MSRA: variants seen among roughly 807,000 people sequenced by gnomAD.
MSRA encodes the protein methionine sulfoxide reductase A.
MSRA carries 54 observed loss-of-function variants against 31.3 expected under a neutral mutation model. That is an observed-to-expected ratio of 1.73 (90% CI 1.39 to 2.17). The LOEUF is 2.17. MSRA is among the 30% of genes most tolerant of loss of function. MSRA has a pLI of 0.00. For synonymous variants in MSRA, 169 were observed against 116.5 expected, an observed-to-expected ratio of 1.45 and a Z score of -2.90; for missense variants, 507 against 300.9, an observed-to-expected ratio of 1.69 and a Z score of -5.07.
intron 3 of MSRA, among the ~76,000 whole-genome samples, chr8:10,266,770 G>A (rs541783999): frequency 2.0e-5 from 3 of 152,158 alleles, no homozygotes; most frequent in African/African-American, 4.8e-5. Flanking sequence ...CATTTGACAC[G>A]TGTGTAATAT....
chr8:10,136,750 G>C (rs1476735863), intron 1 of MSRA, among the ~76,000 whole-genome samples: 1 of 152,142 alleles, frequency 6.6e-6, no homozygotes, highest in East Asian at 1.9e-4. Context: ...TTCAATGTCG[G>C]GTCCCCTCCT....
intron 1 of MSRA, among the ~76,000 whole-genome samples, chr8:10,135,799 G>A (rs541097122): frequency 1.3e-5 from 2 of 152,222 alleles, no homozygotes; most frequent in Non-Finnish European, 2.9e-5. Flanking sequence ...GGCAGACGCA[G>A]TTCTGGAATT....
chr8:10,269,654 G>T (rs1464531675), intron 3 of MSRA, among the ~76,000 whole-genome samples: 3 of 151,862 alleles, frequency 2.0e-5, no homozygotes, highest in African/African-American at 7.3e-5. Flanking sequence ...TTGTTTGTTT[G>T]TTTTTTTGTT....
intron 5 of MSRA, among the ~76,000 whole-genome samples, chr8:10,325,774 A>G (rs1043529233): frequency 6.6e-6 from 1 of 152,212 alleles, no homozygotes; most frequent in Non-Finnish European, 1.5e-5. Flanking sequence ...GATCTAACCA[A>G]CTGCTTTATT....
At chr8:10,245,328 T>G (rs188374113) in intron 3 of MSRA, 105 bp downstream of exon 3, 1 of 1,097,526 alleles carries the variant, frequency 9.1e-7, no homozygotes, top group Non-Finnish European at 1.3e-6. Context: ...TTTTTAAAAA[T>G]GTTTCTTCAA....
At chr8:10,212,404 C>G (rs1030542781) in intron 2 of MSRA, among the ~76,000 whole-genome samples, 2 of 151,768 alleles carry the variant, frequency 1.3e-5, no homozygotes, top group African/African-American at 4.8e-5. Flanking sequence ...AAATACACAC[C>G]AAGTTAAGTA....
chr8:10,269,537 G>C (rs1412774300), intron 3 of MSRA, among the ~76,000 whole-genome samples: 3 of 152,272 alleles, frequency 2.0e-5, no homozygotes, highest in Non-Finnish European at 2.9e-5. Context: ...TACCTACAGA[G>C]AGCCGGCAGG....
chr8:10,225,405 A>G (rs531857820), intron 2 of MSRA, among the ~76,000 whole-genome samples: 1 of 152,288 alleles, frequency 6.6e-6, no homozygotes, highest in East Asian at 1.9e-4. Flanking sequence ...CTTTTTGATG[A>G]TAGGGCCTGG....
chr8:10,366,380 C>A (rs1481466392), intron 5 of MSRA, among the ~76,000 whole-genome samples: 2 of 152,248 alleles, frequency 1.3e-5, no homozygotes, highest in Admixed American at 1.3e-4. Context: ...GGGCCCCAGG[C>A]TGGGCAGGGC....
chr8:10,088,822 C>G (rs1317461244), intron 1 of MSRA, among the ~76,000 whole-genome samples: 1 of 152,102 alleles, frequency 6.6e-6, no homozygotes, highest in Non-Finnish European at 1.5e-5. Context: ...GAAGATCTTG[C>G]CATTTGCCAC....
intron 1 of MSRA, among the ~76,000 whole-genome samples, chr8:10,061,849 G>A (rs187947651): frequency 7.1e-4 from 107 of 151,668 alleles, no homozygotes; most frequent in Middle Eastern, 3.5e-3. Context: ...GATGAAGGGT[G>A]GGGAACCCCT....
intron 1 of MSRA, among the ~76,000 whole-genome samples, chr8:10,067,276 T>C (rs1299939695): frequency 6.6e-6 from 1 of 152,224 alleles, no homozygotes; most frequent in Non-Finnish European, 1.5e-5. Flanking sequence ...TTATATAGTA[T>C]ATAGCCTTTT....
chr8:10,221,886 C>T (rs560272638), intron 2 of MSRA, among the ~76,000 whole-genome samples: 1 of 151,996 alleles, frequency 6.6e-6, no homozygotes, highest in Admixed American at 6.6e-5. Flanking sequence ...GTACAAAGGC[C>T]CTGAGGCAGG....
intron 1 of MSRA, among the ~76,000 whole-genome samples, chr8:10,175,645 A>C (rs1180771979): frequency 6.6e-6 from 1 of 152,236 alleles, no homozygotes; most frequent in Admixed American, 6.5e-5. Context: ...ATGGAGCCTT[A>C]CGTACTGGCT....
intron 4 of MSRA, among the ~76,000 whole-genome samples, chr8:10,305,831 G>T (rs1476045587): frequency 6.6e-6 from 1 of 152,202 alleles, no homozygotes; most frequent in African/African-American, 2.4e-5. Context: ...TAGACAGTGA[G>T]TCTGAAGAGG....
chr8:10,230,382 A>C (rs1394551395), intron 2 of MSRA, among the ~76,000 whole-genome samples: 1 of 152,144 alleles, frequency 6.6e-6, no homozygotes, highest in East Asian at 1.9e-4. Flanking sequence ...GGGTGTAGGA[A>C]GTGAAGTATG....
intron 1 of MSRA, among the ~76,000 whole-genome samples, chr8:10,201,727 GA>G (rs1808519687): frequency 6.6e-6 from 1 of 152,148 alleles, no homozygotes. Context: ...ATGTCCCCCC[GA>G]TCCCCTTCAA....
chr8:10,243,102 A>G (rs1177220362), intron 2 of MSRA, among the ~76,000 whole-genome samples: 1 of 152,230 alleles, frequency 6.6e-6, no homozygotes, highest in Non-Finnish European at 1.5e-5. Flanking sequence ...GAGTGGGACC[A>G]TGGGCAAAGG....
At chr8:10,117,611 A>C (rs531736374) in intron 1 of MSRA, among the ~76,000 whole-genome samples, 2 of 152,328 alleles carry the variant, frequency 1.3e-5, no homozygotes, top group African/African-American at 4.8e-5. Flanking sequence ...TTATATATAG[A>C]TATAGATAGT....
Sources: gnomAD v4.1 joint callset for allele counts (sites outside exome capture counted in the v4.1 genomes callset) on GRCh38, gnomAD v4.1.1 for gene constraint, MANE v1.5 for transcripts, NCBI Gene and HGNC (gene_info 2026-07-23, HGNC 2026-07-21) for gene names.